DAB1: variants seen among roughly 807,000 people sequenced by gnomAD.
DAB1 encodes the protein disabled homolog 1.
In DAB1, 15 loss-of-function variants were observed where a neutral mutation model predicts 64.6. The ratio of observed to expected loss-of-function variants is 0.23; its 90% CI spans 0.16 to 0.36. The LOEUF (loss-of-function observed/expected upper bound fraction) is 0.36. Among genes scored for constraint, DAB1 ranks in the 10% least tolerant of loss-of-function variants. The pLI, the probability that DAB1 is intolerant of heterozygous loss-of-function variation, is 1.00. For synonymous variants in DAB1, 235 were observed against 251.9 expected (o/e 0.93, Z 0.64); for missense variants, 596 against 706.7 (o/e 0.84, Z 1.78).
chr1:57,405,644 T>C (rs1570462262), intron 1 of DAB1, among the ~76,000 whole-genome samples: 1 of 152,308 alleles, frequency 6.6e-6, no homozygotes, highest in East Asian at 1.9e-4. Flanking sequence ...ATGAGTCCAG[T>C]ATTCTGTTAC....
intron 2 of DAB1, among the ~76,000 whole-genome samples, chr1:57,280,346 GAC>G (rs1671789577): frequency 1.3e-5 from 2 of 152,096 alleles, no homozygotes; most frequent in African/African-American, 4.8e-5. Flanking sequence ...TGTGTACTCT[GAC>G]CATCCTAGAA....
chr1:57,761,315 A>T (rs146930868), intron 6 of DAB1, among the ~76,000 whole-genome samples: 40 of 152,290 alleles, frequency 2.6e-4, no homozygotes, highest in African/African-American at 7.5e-4. Flanking sequence ...TAGTATTTCA[A>T]AAGATTGCTT....
chr1:58,497,545 T>C (rs753588684), intron 3 of DAB1, among the ~76,000 whole-genome samples: 44 of 152,310 alleles, frequency 2.9e-4, no homozygotes, highest in Non-Finnish European at 4.4e-4. Context: ...AATATGCCTC[T>C]TTAGCATAAG....
intron 5 of DAB1, among the ~76,000 whole-genome samples, chr1:57,922,131 T>A (rs943685436): frequency 2.0e-5 from 3 of 152,192 alleles, no homozygotes; most frequent in Admixed American, 1.3e-4. Flanking sequence ...ATGGTAATAT[T>A]CCCCTCCTGA....
chr1:58,387,028 C>T (rs920451281), intron 3 of DAB1, among the ~76,000 whole-genome samples: 6 of 152,118 alleles, frequency 3.9e-5, no homozygotes, highest in African/African-American at 1.4e-4. Flanking sequence ...CCATTGCACT[C>T]CAGCCTGGTC....
At chr1:57,365,841 G>T (rs1219533313) in intron 1 of DAB1, among the ~76,000 whole-genome samples, 1 of 152,144 alleles carries the variant, frequency 6.6e-6, no homozygotes, top group Non-Finnish European at 1.5e-5. Context: ...CTAACATCCT[G>T]ACACCTTCTA....
intron 1 of DAB1, among the ~76,000 whole-genome samples, chr1:57,372,252 A>G (rs768891101): frequency 1.3e-5 from 2 of 152,130 alleles, no homozygotes; most frequent in Non-Finnish European, 2.9e-5. Context: ...TGTGTTTAAT[A>G]CCTCCTGATT....
At chr1:57,138,468 TC>T (rs1330881080) in intron 3 of DAB1, among the ~76,000 whole-genome samples, 2 of 152,122 alleles carry the variant, frequency 1.3e-5, no homozygotes, top group Non-Finnish European at 2.9e-5. Flanking sequence ...CCAATCTTCC[TC>T]TTTCAGCCTT....
chr1:57,513,016 G>C (rs1165807737), intron 7 of DAB1, among the ~76,000 whole-genome samples: 1 of 152,154 alleles, frequency 6.6e-6, no homozygotes, highest in Non-Finnish European at 1.5e-5. Flanking sequence ...ATTTGCTCCT[G>C]ACACAAATTG....
At chr1:57,118,521 T>TA (rs1656347841) in intron 4 of DAB1, among the ~76,000 whole-genome samples, 1 of 152,174 alleles carries the variant, frequency 6.6e-6, no homozygotes, top group Admixed American at 6.5e-5. Flanking sequence ...CCTTCTATGC[T>TA]AAAAAAGTCA....
chr1:57,224,604 C>A (rs892448320), intron 2 of DAB1, among the ~76,000 whole-genome samples: 1 of 152,238 alleles, frequency 6.6e-6, no homozygotes, highest in Non-Finnish European at 1.5e-5. Flanking sequence ...CTCTGAACAG[C>A]ATCTCCCTTT....
At chr1:57,172,025 C>T (rs1661818863) in intron 2 of DAB1, among the ~76,000 whole-genome samples, 1 of 152,022 alleles carries the variant, frequency 6.6e-6, no homozygotes, top group Non-Finnish European at 1.5e-5. Context: ...ATGCCTCTCC[C>T]CTAGCTTCTG....
chr1:57,702,063 A>G (rs1251120537), intron 6 of DAB1, among the ~76,000 whole-genome samples: 5 of 152,108 alleles, frequency 3.3e-5, no homozygotes, highest in Non-Finnish European at 4.4e-5. Context: ...CCATTTCTTG[A>G]GGACATATGT....
chr1:58,313,864 A>T (rs1379529860), intron 4 of DAB1, among the ~76,000 whole-genome samples: 2 of 145,520 alleles, frequency 1.4e-5, no homozygotes, highest in South Asian at 2.2e-4. Context: ...TGTGAGAGAG[A>T]GAGAGAGAGA....
At chr1:57,405,469 G>A (rs556269915) in intron 1 of DAB1, among the ~76,000 whole-genome samples, 1 of 152,186 alleles carries the variant, frequency 6.6e-6, no homozygotes, top group Non-Finnish European at 1.5e-5. Context: ...GAACAGGCCA[G>A]AATTCACCAG....
intron 2 of DAB1, among the ~76,000 whole-genome samples, chr1:57,275,403 G>C (rs1558071487): frequency 6.6e-6 from 1 of 152,170 alleles, no homozygotes; most frequent in Admixed American, 6.5e-5. Context: ...AATCTACCAA[G>C]AATAGGAAAG....
intron 2 of DAB1, among the ~76,000 whole-genome samples, chr1:58,508,560 T>A (rs1646025024): frequency 6.6e-6 from 1 of 152,146 alleles, no homozygotes; most frequent in Non-Finnish European, 1.5e-5. Context: ...CAGCACCATA[T>A]GATCATAAGA....
intron 7 of DAB1, among the ~76,000 whole-genome samples, chr1:57,538,592 T>C (rs1250077745): frequency 6.6e-6 from 1 of 152,162 alleles, no homozygotes; most frequent in Non-Finnish European, 1.5e-5. Flanking sequence ...GGAGCTGCAT[T>C]TATCTTCAGC....
chr1:58,202,387 G>A (rs1170387894), intron 4 of DAB1, among the ~76,000 whole-genome samples: 2 of 152,214 alleles, frequency 1.3e-5, no homozygotes, highest in Admixed American at 6.5e-5. Context: ...CTGAGGCTCA[G>A]CAAGATAAAG....
Sources: gnomAD v4.1 joint callset for allele counts (sites outside exome capture counted in the v4.1 genomes callset) on GRCh38, gnomAD v4.1.1 for gene constraint, MANE v1.5 for transcripts, NCBI Gene and HGNC (gene_info 2026-07-23, HGNC 2026-07-21) for gene names.